CDKAL1: variants seen among roughly 807,000 people sequenced by gnomAD.
CDKAL1 encodes threonylcarbamoyladenosine tRNA methylthiotransferase.
CDKAL1 carries 32 observed loss-of-function variants against 68.2 expected under a neutral mutation model. That is an observed-to-expected ratio of 0.47 (90% CI 0.35 to 0.63). CDKAL1 has a LOEUF of 0.63. Among genes scored for constraint, CDKAL1 ranks in the 30% least tolerant of loss-of-function variants. CDKAL1 has a pLI of 0.00. For synonymous variants in CDKAL1, 234 were observed against 244.3 expected (o/e 0.96, Z 0.39); for missense variants, 606 against 696.7 (o/e 0.87, Z 1.47).
intron 9 of CDKAL1, among the ~76,000 whole-genome samples, chr6:20,859,532 A>C (rs552025299): frequency 2.0e-5 from 3 of 152,252 alleles, no homozygotes; most frequent in African/African-American, 4.8e-5. Flanking sequence ...GCTGTCACCC[A>C]ATGCCAGTTC....
chr6:21,147,182 C>T (rs1562070617), intron 13 of CDKAL1, among the ~76,000 whole-genome samples: 1 of 152,042 alleles, frequency 6.6e-6, no homozygotes, highest in African/African-American at 2.4e-5. Flanking sequence ...GTTTTTAATA[C>T]ATAAGGTCAT....
At chr6:21,093,692 T>C (rs1020788961) in intron 12 of CDKAL1, among the ~76,000 whole-genome samples, 1 of 133,482 alleles carries the variant, frequency 7.5e-6, no homozygotes, top group Non-Finnish European at 1.6e-5. Context: ...CTGCTGCTGC[T>C]GCTTTTTTTT....
chr6:21,108,964 C>T (rs1198016576), intron 13 of CDKAL1, among the ~76,000 whole-genome samples: 1 of 152,164 alleles, frequency 6.6e-6, no homozygotes, highest in East Asian at 1.9e-4. Flanking sequence ...AACGTGACGA[C>T]CCACATGTAC....
intron 4 of CDKAL1, among the ~76,000 whole-genome samples, chr6:20,635,013 A>G (rs1315739259): frequency 6.6e-6 from 1 of 151,550 alleles, no homozygotes; most frequent in Non-Finnish European, 1.5e-5. Context: ...AAAGAAAAAA[A>G]GGATGATTCC....
chr6:21,230,463 A>G (rs1208407715), intron 15 of CDKAL1, among the ~76,000 whole-genome samples: 1 of 152,232 alleles, frequency 6.6e-6, no homozygotes, highest in African/African-American at 2.4e-5. Flanking sequence ...CACCTGGCCC[A>G]TGGTGTTTCT....
chr6:20,784,711 C>T (rs1443605209), intron 8 of CDKAL1, among the ~76,000 whole-genome samples: 1 of 152,038 alleles, frequency 6.6e-6, no homozygotes, highest in Non-Finnish European at 1.5e-5. Flanking sequence ...GCATGAGCCA[C>T]TGCACCTGGC....
At chr6:20,983,990 G>A (rs1766298696) in intron 10 of CDKAL1, among the ~76,000 whole-genome samples, 1 of 152,138 alleles carries the variant, frequency 6.6e-6, no homozygotes, top group South Asian at 2.1e-4. Flanking sequence ...CGAGGGCACT[G>A]GGTTTATATT....
chr6:21,206,283 G>GA (rs1259420063), intron 15 of CDKAL1, among the ~76,000 whole-genome samples: 1 of 152,000 alleles, frequency 6.6e-6, no homozygotes, highest in Non-Finnish European at 1.5e-5. Context: ...GAGAGAGAGG[G>GA]AAAAAAATGA....
At chr6:20,901,699 A>AAAAAAAAAAAAAAAG (rs1554137984) in intron 9 of CDKAL1, among the ~76,000 whole-genome samples, 7 of 75,940 alleles carry the variant, frequency 9.2e-5, no homozygotes, top group East Asian at 4.6e-4. Context: ...AAAAAAAAAA[A>AAAAAAAAAAAAAAAG]AAAAGAAAAG....
intron 4 of CDKAL1, among the ~76,000 whole-genome samples, chr6:20,556,065 G>T (rs1764030768): frequency 6.6e-6 from 1 of 152,018 alleles, no homozygotes; most frequent in Non-Finnish European, 1.5e-5. Context: ...GTTGGGATTT[G>T]AAAGTAAGCT....
At chr6:20,616,359 A>G (rs1235406936) in intron 4 of CDKAL1, among the ~76,000 whole-genome samples, 12 of 146,320 alleles carry the variant, frequency 8.2e-5, no homozygotes, top group Admixed American at 7.5e-4. Flanking sequence ...TGAATCTGTA[A>G]ATTACCTTGG....
chr6:20,569,228 T>A (rs1038185430), intron 4 of CDKAL1, among the ~76,000 whole-genome samples: 1 of 152,262 alleles, frequency 6.6e-6, no homozygotes, highest in Non-Finnish European at 1.5e-5. Context: ...TGAGACACTT[T>A]TATGAGCCTC....
intron 13 of CDKAL1, among the ~76,000 whole-genome samples, chr6:21,129,794 A>G (rs954067291): frequency 2.0e-5 from 3 of 151,832 alleles, no homozygotes; most frequent in South Asian, 4.2e-4. Flanking sequence ...CATTGATGGT[A>G]GATAGCTTTT....
chr6:20,628,610 G>A (rs1029349568), intron 4 of CDKAL1, among the ~76,000 whole-genome samples: 2 of 151,550 alleles, frequency 1.3e-5, no homozygotes, highest in Non-Finnish European at 2.9e-5. Context: ...TATCTTTGTC[G>A]GTTCTGCCAC....
chr6:20,555,798 A>T (rs530968617), intron 4 of CDKAL1, among the ~76,000 whole-genome samples: 1 of 150,534 alleles, frequency 6.6e-6, no homozygotes, highest in East Asian at 2.0e-4. Flanking sequence ...AATTTTTTGT[A>T]TTTTTAGTAG....
At chr6:21,211,118 TCTA>T (rs1298675241) in intron 15 of CDKAL1, among the ~76,000 whole-genome samples, 2 of 152,190 alleles carry the variant, frequency 1.3e-5, no homozygotes, top group Admixed American at 1.3e-4. Flanking sequence ...TCAGACAACT[TCTA>T]CTACAGAGAG....
At position 20,966,784 on chromosome 6, in the gene CDKAL1, A is replaced by C. The variant is rs931814427; in HGVS notation, c.909+11199A>C. On this transcript the variant is annotated intron_variant, in intron 10 of 15. Transcript: ENST00000274695. ...GTATCAGCTTTTATTTTGCAATGTC[A>C]TGTGGAATATCAGGCTACCTTCTGA... 2.0e-5 allele frequency among the ~76,000 whole-genome samples: 3 copies of C among 152,320 alleles called. No individual in the cohort carries two copies. In the East Asian group the frequency reaches 5.8e-4, roughly 29 times the overall value.
Position 21,087,239 on chromosome 6 carries a change from C to T in CDKAL1, c.1237-21162C>T, listed in dbSNP as rs536665856. On this transcript the variant is annotated intron_variant, in intron 12 of 15. Coordinates refer to ENST00000274695, the MANE Select transcript of CDKAL1 (RefSeq NM_017774.3). ...AAACTTTAAAATCACAGCTGCTCTACGGGAGGACTCTATATGGGTTGTAAC... is the reference window on the plus strand; with the variant it reads ...AAACTTTAAAATCACAGCTGCTCTATGGGAGGACTCTATATGGGTTGTAAC... Among the ~76,000 whole-genome samples the T allele has an allele frequency of 4.1e-4, 63 of 152,300 alleles. 1 individual carries two copies. Among genetic ancestry groups the T allele is most frequent in the African/African-American group, 1.3e-3 (54 of 41,560 alleles).
intron 4 of CDKAL1, among the ~76,000 whole-genome samples, chr6:20,592,847 A>G (rs28869917): frequency 0.029 from 4,419 of 152,256 alleles, 193 homozygotes; most frequent in African/African-American, 0.094. Flanking sequence ...GGTTCCATCA[A>G]TACCTAGTTT....
Sources: allele counts gnomAD v4.1 joint callset (sites outside exome capture counted in the v4.1 genomes callset), GRCh38; gene constraint gnomAD v4.1.1; transcripts MANE v1.5; gene names NCBI Gene and HGNC (gene_info 2026-07-23, HGNC 2026-07-21).